Variants in TDRD1 observed in about 807,000 individuals in gnomAD.
TDRD1 encodes tudor domain containing 1.
A neutral mutation model predicts 140.6 loss-of-function variants in TDRD1; 37 were observed. That is an observed-to-expected ratio of 0.26 (90% CI 0.20 to 0.35). The LOEUF (loss-of-function observed/expected upper bound fraction) is 0.35. Among genes scored for constraint, TDRD1 ranks in the 10% least tolerant of loss-of-function variants. The pLI is 1.00. For missense variants in TDRD1, 1,243 were observed against 1,393.0 expected (o/e 0.89, Z 1.71); for synonymous variants, 506 against 475.7 (o/e 1.06, Z -0.83).
Position 114,199,078 on chromosome 10 carries a change from A to G in TDRD1, c.385-95A>G, listed in dbSNP as rs1280905435. 9.0e-6 allele frequency: 12 copies of G among 1,340,756 alleles called. No individual in the cohort carries two copies. In the East Asian group the frequency reaches 2.1e-4, roughly 24 times the overall value. 83.1% of individuals were successfully genotyped at this position (1,340,756 alleles called of 1,614,324 possible). On this transcript the variant is annotated intron_variant, in intron 3 of 25. Transcript: ENST00000251864. ...TAATAGGAGGAATAAGGAAAAGTAC[A>G]TCTACTTGATCTTATCTGAAGTAGT...
exon 2 of TDRD1, chr10:114,187,850 T>C (rs1238223904): frequency 1.9e-6 from 3 of 1,594,800 alleles, no homozygotes; most frequent in Non-Finnish European, 2.6e-6. Context: ...TAAATCGCCA[T>C]TTAATGTGAT....
intron 2 of TDRD1, among the ~76,000 whole-genome samples, chr10:114,189,026 C>T (rs1470584785): frequency 6.6e-6 from 1 of 152,196 alleles, no homozygotes; most frequent in Non-Finnish European, 1.5e-5. Flanking sequence ...GAGGTCAAAA[C>T]TGTTTTCCTC....
In TDRD1 at chr10:114,194,758, G is replaced by GTT. The variant is rs11427150; in HGVS notation, c.384+3754_384+3755dup. Among the ~76,000 whole-genome samples, 1,120 of 132,804 alleles carry GTT rather than the reference G, an allele frequency of 8.4e-3. 15 individuals are homozygous for GTT. Among genetic ancestry groups the GTT allele is most frequent in the African/African-American group, 0.019 (697 of 35,816 alleles). The allele number at this position is 132,804 out of a possible 152,430, so 87.1% of individuals were successfully genotyped here. Reference sequence around the variant, plus strand: ...TTGTCTTTTTAGTGGTTGGTTGTTGGTTTTTTTTTTTTTTTTATTAGACAA... The same window carrying GTT: ...TTGTCTTTTTAGTGGTTGGTTGTTGGTTTTTTTTTTTTTTTTTTATTAGACAA... On this transcript the variant is annotated intron_variant, in intron 3 of 25. Transcript: ENST00000251864.
chr10:114,218,325 T>C lies in TDRD1; in HGVS notation c.2324-89T>C. On this transcript the variant is annotated intron_variant, in intron 17 of 25. Coordinates refer to ENST00000251864, the Ensembl canonical transcript of TDRD1. ...AGTAAGCAAATTTATTACCTACTTTTAGACAAAGGGTGGCTTTTTTCAAGA... is the reference window on the plus strand; with the variant it reads ...AGTAAGCAAATTTATTACCTACTTTCAGACAAAGGGTGGCTTTTTTCAAGA... 6.2e-6 allele frequency: 6 copies of C among 962,912 alleles called. No homozygotes were observed. The South Asian group carries it at 1.3e-4, about 21-fold the overall frequency. 59.6% of individuals were successfully genotyped at this position (962,912 alleles called of 1,614,324 possible).
At chr10:114,196,788 T>C (rs1316935970) in intron 3 of TDRD1, among the ~76,000 whole-genome samples, 6 of 150,992 alleles carry the variant, frequency 4.0e-5, no homozygotes, top group Non-Finnish European at 5.9e-5. Flanking sequence ...GCTTCTTGAA[T>C]TAGTAGATTT....
At chr10:114,181,382 C>T (rs1315875511) in intron 1 of TDRD1, among the ~76,000 whole-genome samples, 1 of 152,174 alleles carries the variant, frequency 6.6e-6, no homozygotes, top group Admixed American at 6.5e-5. Flanking sequence ...GGCTTCAGGG[C>T]CTGTGCAGCA....
intron 23 of TDRD1, 93 bp downstream of exon 23, chr10:114,227,392 G>A (rs1191280516): frequency 4.4e-6 from 4 of 910,332 alleles, no homozygotes; most frequent in Non-Finnish European, 7.0e-6. Context: ...CACTTCCCAT[G>A]CCATACTCTC....
In TDRD1 at chr10:114,224,740, C is replaced by T. The variant is rs537073461; in HGVS notation, c.3008-1309C>T. ...CCCTGTTCTTTCAAGAGTGGAATGT[C>T]ATTTCTCCAAGGATATTACTGTCAG... is the stretch of plus-strand genomic sequence containing the variant. On this transcript the variant is annotated intron_variant, in intron 21 of 25. Coordinates refer to ENST00000251864, the Ensembl canonical transcript of TDRD1. Among the ~76,000 whole-genome samples, 25 of 152,146 alleles carry T rather than the reference C, an allele frequency of 1.6e-4. 1 individual carries two copies. In the South Asian group the frequency reaches 5.2e-3, roughly 32 times the overall value.
At chr10:114,190,622 G>A (rs911874595) in intron 2 of TDRD1, among the ~76,000 whole-genome samples, 1 of 152,142 alleles carries the variant, frequency 6.6e-6, no homozygotes, top group Non-Finnish European at 1.5e-5. Flanking sequence ...TGAGTAATTG[G>A]GATTACAAGA....
chr10:114,186,127 T>G (rs2033502651), intron 1 of TDRD1, among the ~76,000 whole-genome samples: 1 of 152,210 alleles, frequency 6.6e-6, no homozygotes, highest in South Asian at 2.1e-4. Context: ...AATTAAGATT[T>G]CCTGTGATTT....
intron 1 of TDRD1, among the ~76,000 whole-genome samples, chr10:114,186,635 C>T (rs1233695513): frequency 1.3e-5 from 2 of 152,232 alleles, no homozygotes; most frequent in East Asian, 3.9e-4. Context: ...TCAGCCTGTC[C>T]CTTCAATTTA....
chr10:114,218,353 A>G, intron 17 of TDRD1, 61 bp from the exon 18 acceptor site: 1 of 1,209,184 alleles, frequency 8.3e-7, no homozygotes, highest in Non-Finnish European at 1.1e-6. Context: ...TTTCAAGATA[A>G]GTATTTCAAG....
intron 23 of TDRD1, among the ~76,000 whole-genome samples, 187 bp downstream of exon 23, chr10:114,227,486 A>C (rs1325546701): frequency 6.6e-6 from 1 of 152,212 alleles, no homozygotes; most frequent in Non-Finnish European, 1.5e-5. Flanking sequence ...CAGTCCTCCG[A>C]GTCCAGATAG....
intron 10 of TDRD1, 80 bp from the exon 11 acceptor site, chr10:114,206,164 A>T: frequency 9.3e-7 from 1 of 1,077,786 alleles, no homozygotes; most frequent in Non-Finnish European, 1.4e-6. Context: ...TGTATGATTG[A>T]CTTGTTTCTT....
chr10:114,231,623 C>A, exon 26 of TDRD1: 2 of 936,824 alleles, frequency 2.1e-6, no homozygotes, highest in Non-Finnish European at 3.1e-6. Context: ...GACCTTCTAT[C>A]CCTCCGTTTT....
At chr10:114,221,259 C>A in intron 19 of TDRD1, 98 bp from the exon 20 acceptor site, 1 of 1,147,874 alleles carries the variant, frequency 8.7e-7, no homozygotes, top group South Asian at 1.4e-5. Context: ...TGTTGATAAT[C>A]ATTTCATGAA....
chr10:114,206,280 A>G (rs372895651), exon 11 of TDRD1: 101 of 1,613,536 alleles, frequency 6.3e-5, no homozygotes, highest in Non-Finnish European at 8.0e-5. Context: ...GAAATGGGAT[A>G]TGGCTTGAAA....
intron 11 of TDRD1, among the ~76,000 whole-genome samples, chr10:114,209,491 C>T (rs566866107): frequency 6.6e-6 from 1 of 152,198 alleles, no homozygotes; most frequent in Non-Finnish European, 1.5e-5. Context: ...CTTGCCTTCT[C>T]CCTTATGTTG....
At chr10:114,221,920 TTTG>T (rs2036168673) in intron 20 of TDRD1, among the ~76,000 whole-genome samples, 1 of 152,222 alleles carries the variant, frequency 6.6e-6, no homozygotes, top group Admixed American at 6.5e-5. Flanking sequence ...TAATTTTCCT[TTTG>T]TTGTTTCATG....
Sources: gnomAD v4.1 joint callset for allele counts (sites outside exome capture counted in the v4.1 genomes callset) on GRCh38, gnomAD v4.1.1 for gene constraint, MANE v1.5 for transcripts, NCBI Gene and HGNC (gene_info 2026-07-23, HGNC 2026-07-21) for gene names.